NAPB: variants seen among roughly 807,000 people sequenced by gnomAD.
The protein encoded by NAPB is beta-soluble NSF attachment protein.
NAPB carries 26 observed loss-of-function variants against 44.7 expected under a neutral mutation model. The ratio of observed to expected loss-of-function variants is 0.58; its 90% CI spans 0.43 to 0.81. The LOEUF (loss-of-function observed/expected upper bound fraction) is 0.81, where lower values mean the gene tolerates loss of function less well. Among genes scored for constraint, NAPB ranks in the 30% least tolerant of loss-of-function variants. The pLI is 0.00. For synonymous variants in NAPB, 120 were observed against 116.8 expected (o/e 1.03, Z -0.18); for missense variants, 315 against 356.4 (o/e 0.88, Z 0.94).
At position 23,389,988 on chromosome 20, in the gene NAPB, G is replaced by C. The variant is rs1371344720; in HGVS notation, c.519C>G (p.Ala173=). 4 of 1,613,916 alleles carry C rather than the reference G, an allele frequency of 2.5e-6. No individual in the cohort carries two copies. The highest frequency in any genetic ancestry group is 2.5e-6 in the Non-Finnish European group (3 of 1,179,970). ...KCLLKVAAYA[A]QLEQYQKAIE... ...TGGCTTTCTGGTACTGCTCAAGCTGGGCAGCATATGCTGCCACCTTCAGCA... is the reference window on the plus strand; with the variant it reads ...TGGCTTTCTGGTACTGCTCAAGCTGCGCAGCATATGCTGCCACCTTCAGCA... The change falls in exon 7 of 11, where the codon GCC becomes GCG. Residue 173 remains alanine (A), a synonymous_variant. Transcript: ENST00000377026.
In NAPB at chr20:23,420,644, T is replaced by C. The variant is rs905063559; in HGVS notation, c.98+661A>G. 1.8e-4 allele frequency among the ~76,000 whole-genome samples: 28 copies of C among 151,826 alleles called. 1 individual carries two copies. The highest frequency in any genetic ancestry group is 2.8e-4 in the Non-Finnish European group (19 of 67,938). On this transcript the variant is annotated intron_variant, in intron 1 of 10. Coordinates refer to ENST00000377026, the MANE Select transcript of NAPB (RefSeq NM_022080.3). ...GCTTCAGCGTGGCGAAATGCACCAA[T>C]ACGACTCGCTACGCACTGAGAAGGG...
At position 23,382,039 on chromosome 20, in the gene NAPB, A is replaced by G. The variant is rs576726443; in HGVS notation, c.562-722T>C. On this transcript the variant is annotated intron_variant, in intron 7 of 10. Transcript: ENST00000377026. Reference sequence around the variant, plus strand: ...CTAAGGCAGTGCAGACCACACTGGGAGCCTGCATCCTGTCTCTGTCAAGCA... The same window carrying G: ...CTAAGGCAGTGCAGACCACACTGGGGGCCTGCATCCTGTCTCTGTCAAGCA... Among the ~76,000 whole-genome samples the G allele has an allele frequency of 6.8e-3, 1,043 of 152,294 alleles. 5 individuals carry two copies. Among genetic ancestry groups the G allele is most frequent in the South Asian group, 0.014 (68 of 4,824 alleles).
intron 7 of NAPB, among the ~76,000 whole-genome samples, chr20:23,385,799 A>T (rs1438353662): frequency 6.6e-6 from 1 of 152,054 alleles, no homozygotes; most frequent in Non-Finnish European, 1.5e-5. Flanking sequence ...GAAAGAAAGA[A>T]AGATCAGCAA....
At chr20:23,390,120 A>G in intron 6 of NAPB, 89 bp downstream of exon 6, 1 of 1,502,602 alleles carries the variant, frequency 6.7e-7, no homozygotes, top group East Asian at 2.3e-5. Context: ...CATTTGGTAT[A>G]GTCAAATACA....
Position 23,402,942 on chromosome 20 carries a change from A to T in NAPB, c.178+51T>A, listed in dbSNP as rs747443071. The T allele has an allele frequency of 8.5e-6, 12 of 1,414,596 alleles. No homozygotes were observed. In the African/African-American group the frequency reaches 1.6e-4, roughly 18 times the overall value. The allele number at this position is 1,414,596 out of a possible 1,614,324, so 87.6% of individuals were successfully genotyped here. ...GGGAAAACAGTCATTTCTCCCTTCA[A>T]AGTGATTTTAAACCATTTGCCTAAA... On this transcript the variant is annotated intron_variant, in intron 2 of 10. Coordinates refer to ENST00000377026, the MANE Select transcript of NAPB (RefSeq NM_022080.3).
chr20:23,390,872 A>G (rs138584438), intron 5 of NAPB, among the ~76,000 whole-genome samples: 35 of 152,326 alleles, frequency 2.3e-4, no homozygotes, highest in African/African-American at 8.4e-4. Context: ...TAATACCTTA[A>G]GTGTCACCTA....
chr20:23,405,717 G>A lies in NAPB; in HGVS notation c.99-2645C>T, dbSNP rs143626681. On this transcript the variant is annotated intron_variant, in intron 1 of 10. Transcript: ENST00000377026. The stretch of plus-strand genomic sequence containing the variant: ...TCAGCCTGGGTGACACAGAGACTCC[G>A]TCTCAAAACAAAAAAAAAGCTAAGG... Among the ~76,000 whole-genome samples the A allele has an allele frequency of 9.8e-3, 1,493 of 152,018 alleles. 12 individuals carry two copies. The highest frequency in any genetic ancestry group is 0.016 in the Non-Finnish European group (1,087 of 67,982).
chr20:23,389,515 C>T (rs1222793501), intron 7 of NAPB, among the ~76,000 whole-genome samples: 1 of 152,128 alleles, frequency 6.6e-6, no homozygotes, highest in Non-Finnish European at 1.5e-5. Context: ...CCCAAACATC[C>T]ATAAATTGAT....
rs184107791 is a variant in NAPB, at chr20:23,377,239, C to G, written c.*137G>C. On this transcript the variant is annotated 3_prime_UTR_variant, in exon 11 of 11. Transcript: ENST00000377026. ...TCATTTCACAGCAACACAGACTTGG[C>G]GAGCTTAAACAATACACAGGCCGTC... The G allele has an allele frequency of 2.3e-6, 1 of 435,348 alleles. No homozygotes were observed. The highest frequency in any genetic ancestry group is 4.1e-5 in the Admixed American group (1 of 24,322). The allele number at this position is 435,348 out of a possible 1,614,324, so 27.0% of individuals were successfully genotyped here.
chr20:23,410,928 G>A (rs1985609426), intron 1 of NAPB, among the ~76,000 whole-genome samples: 2 of 152,064 alleles, frequency 1.3e-5, no homozygotes, highest in Non-Finnish European at 2.9e-5. Flanking sequence ...TCAAATTCTA[G>A]AAGGATAGAA....
chr20:23,396,609 C>A (rs369151421), intron 3 of NAPB: 10 of 152,236 alleles, frequency 6.6e-5, no homozygotes, highest in African/African-American at 2.4e-4. Flanking sequence ...TTTTAAAAAA[C>A]CAAATGAATA....
chr20:23,401,594 G>A (rs1462903458), intron 2 of NAPB, among the ~76,000 whole-genome samples: 36 of 152,082 alleles, frequency 2.4e-4, no homozygotes, highest in Admixed American at 2.4e-3. Flanking sequence ...GTAATAAGTG[G>A]TCTCAGCCGG....
rs111251683 is a variant in NAPB at position 23,376,528 on chromosome 20, C to A, written c.*848G>T. ...CACAGCACAGAACACACCACCTCAA[C>A]GTGGGAAAGTGTATAAACATGAAAA... is the stretch of plus-strand genomic sequence containing the variant. On this transcript the variant is annotated 3_prime_UTR_variant, in exon 11 of 11. Transcript: ENST00000377026. The A allele has an allele frequency of 1.3e-4, 20 of 152,282 alleles. No homozygotes were observed. Among genetic ancestry groups the A allele is most frequent in the African/African-American group, 4.3e-4 (18 of 41,536 alleles). The allele number at this position is 152,282 out of a possible 1,614,324, so 9.4% of individuals were successfully genotyped here. A position where few individuals can be genotyped will look rare whatever the true frequency, so the allele number is the denominator to read the frequency against.
chr20:23,421,465 C>A lies in NAPB; in HGVS notation c.-63G>T. 1 of 1,452,234 alleles carries A rather than the reference C, an allele frequency of 6.9e-7. No individual in the cohort carries two copies. The highest frequency in any genetic ancestry group is 1.3e-5 in the South Asian group (1 of 79,454). 90.0% of individuals were successfully genotyped at this position (1,452,234 alleles called of 1,614,324 possible). On this transcript the variant is annotated 5_prime_UTR_variant, in exon 1 of 11. Coordinates refer to ENST00000377026, the MANE Select transcript of NAPB (RefSeq NM_022080.3). ...TCGCTGTGCGCCCAGGCGCCTTAAC[C>A]CTCCCTCTGGCGGCCGCAGGGACGC...
At chr20:23,408,110 C>G (rs1985379224) in intron 1 of NAPB, among the ~76,000 whole-genome samples, 1 of 152,194 alleles carries the variant, frequency 6.6e-6, no homozygotes, top group Non-Finnish European at 1.5e-5. Flanking sequence ...AGTGACAGTA[C>G]TATGAAGATA....
intron 7 of NAPB, among the ~76,000 whole-genome samples, chr20:23,387,265 C>A (rs1190621354): frequency 6.6e-6 from 1 of 152,162 alleles, no homozygotes; most frequent in Non-Finnish European, 1.5e-5. Context: ...CAAAACCCCA[C>A]TACTGATATC....
chr20:23,407,609 C>T (rs537942118), intron 1 of NAPB, among the ~76,000 whole-genome samples: 2 of 152,172 alleles, frequency 1.3e-5, no homozygotes, highest in Middle Eastern at 3.4e-3. Context: ...TCTTCTTGAC[C>T]GTACTTATTC....
intron 3 of NAPB, among the ~76,000 whole-genome samples, chr20:23,396,411 G>A (rs1984367736): frequency 6.6e-6 from 1 of 152,162 alleles, no homozygotes; most frequent in South Asian, 2.1e-4. Flanking sequence ...GGATCTGTGT[G>A]TTAAACAAAA....
At chr20:23,408,909 A>AT (rs1985447194) in intron 1 of NAPB, among the ~76,000 whole-genome samples, 1 of 152,196 alleles carries the variant, frequency 6.6e-6, no homozygotes, top group Non-Finnish European at 1.5e-5. Context: ...ATTAAAAACT[A>AT]TTTTTTTAAA....
Sources: allele counts gnomAD v4.1 joint callset (sites outside exome capture counted in the v4.1 genomes callset), GRCh38; gene constraint gnomAD v4.1.1; transcripts MANE v1.5; gene names NCBI Gene and HGNC (gene_info 2026-07-23, HGNC 2026-07-21).